WDPCP: variants seen among roughly 807,000 people sequenced by gnomAD.
WDPCP encodes WD repeat-containing and planar cell polarity effector protein fritz homolog.
In WDPCP, 71 loss-of-function variants were observed where a neutral mutation model predicts 93.1. That is an observed-to-expected ratio of 0.76 (90% CI 0.63 to 0.93). WDPCP has a LOEUF of 0.93. Among genes scored for constraint, WDPCP ranks in the 40% least tolerant of loss-of-function variants. WDPCP has a pLI of 0.00. For synonymous variants in WDPCP, 315 were observed against 315.0 expected (o/e 1.00, Z 0.00); for missense variants, 844 against 887.4 (o/e 0.95, Z 0.62).
intron 10 of WDPCP, among the ~76,000 whole-genome samples, chr2:63,400,125 C>A (rs962167522): frequency 6.6e-6 from 1 of 152,242 alleles, no homozygotes; most frequent in South Asian, 2.1e-4. Context: ...TTATTTTTTA[C>A]ACCTAAGTGA....
intron 13 of WDPCP, among the ~76,000 whole-genome samples, chr2:63,260,097 G>A (rs1292622246): frequency 4.6e-5 from 7 of 152,134 alleles, no homozygotes; most frequent in Non-Finnish European, 1.0e-4. Flanking sequence ...ATAAGAGGGG[G>A]AAAATGGAGA....
At chr2:63,759,113 C>G (rs1670015936) in intron 2 of WDPCP, among the ~76,000 whole-genome samples, 1 of 151,990 alleles carries the variant, frequency 6.6e-6, no homozygotes, top group African/African-American at 2.4e-5. Context: ...TAAAGTGGAC[C>G]CAGGAGTGAA....
chr2:63,273,674 CTATATT>C (rs999551617), intron 13 of WDPCP, among the ~76,000 whole-genome samples: 3 of 151,882 alleles, frequency 2.0e-5, no homozygotes, highest in Non-Finnish European at 2.9e-5. Context: ...ATAGGAGTAA[CTATATT>C]TATATCAGGT....
At chr2:63,426,959 G>A (rs1286868079) in intron 9 of WDPCP, among the ~76,000 whole-genome samples, 2 of 152,070 alleles carry the variant, frequency 1.3e-5, no homozygotes, top group African/African-American at 4.8e-5. Context: ...AGATAAAACA[G>A]ACTTTAACAA....
intron 14 of WDPCP, among the ~76,000 whole-genome samples, chr2:63,193,776 G>A (rs1675216135): frequency 6.6e-6 from 1 of 151,902 alleles, no homozygotes; most frequent in African/African-American, 2.4e-5. Context: ...TGCATTGTTG[G>A]GTAAAATTAA....
chr2:63,347,004 C>T (rs1005086437), intron 12 of WDPCP, among the ~76,000 whole-genome samples: 3 of 152,058 alleles, frequency 2.0e-5, no homozygotes, highest in African/African-American at 7.2e-5. Flanking sequence ...AGTCTGTTTC[C>T]AAATAATTAT....
At chr2:63,183,653 C>A (rs927297022) in intron 14 of WDPCP, among the ~76,000 whole-genome samples, 1 of 151,976 alleles carries the variant, frequency 6.6e-6, no homozygotes, top group Non-Finnish European at 1.5e-5. Flanking sequence ...CATTTGGTCT[C>A]AAGATCAATT....
chr2:63,512,195 T>G (rs981960915), intron 1 of WDPCP, among the ~76,000 whole-genome samples: 4 of 152,176 alleles, frequency 2.6e-5, no homozygotes, highest in African/African-American at 9.6e-5. Flanking sequence ...AATGAGATAC[T>G]ATCTTACGCC....
intron 14 of WDPCP, among the ~76,000 whole-genome samples, chr2:63,204,146 G>T (rs780812442): frequency 2.6e-5 from 4 of 152,108 alleles, no homozygotes; most frequent in Admixed American, 2.6e-4. Flanking sequence ...CACAGTGGTT[G>T]TACTAAATTA....
rs1488024999 is a variant in WDPCP at position 63,622,917 on chromosome 2, C to A, written n.488+27742G>T. On this transcript the variant is annotated intron_variant and non_coding_transcript_variant, in intron 3 of 4. Transcript: ENST00000467687. ...ACGCGGGGGCCGGGCCAGGCCGGGG[C>A]TCGGCGCACACCTGCTGCCAGGCTC... The A allele has an allele frequency of 5.3e-6, 6 of 1,135,324 alleles. No homozygotes were observed. In the African/African-American group the frequency reaches 6.1e-5, roughly 12 times the overall value. The allele number at this position is 1,135,324 out of a possible 1,614,324, so 70.3% of individuals were successfully genotyped here. A position where few individuals can be genotyped will look rare whatever the true frequency, so the allele number is the denominator to read the frequency against.
chr2:63,465,913 C>T (rs945545115), intron 6 of WDPCP, among the ~76,000 whole-genome samples: 18 of 152,252 alleles, frequency 1.2e-4, no homozygotes, highest in Admixed American at 8.5e-4. Context: ...TTTGTATCTT[C>T]GACAGTAGTC....
At chr2:63,810,358 A>G (rs1575779571) in intron 2 of WDPCP, among the ~76,000 whole-genome samples, 1 of 152,246 alleles carries the variant, frequency 6.6e-6, no homozygotes, top group African/African-American at 2.4e-5. Context: ...TTCTAAAAAG[A>G]TACAGGCATA....
chr2:63,754,968 A>T (rs1257339923), intron 2 of WDPCP, among the ~76,000 whole-genome samples: 1 of 152,178 alleles, frequency 6.6e-6, no homozygotes, highest in African/African-American at 2.4e-5. Context: ...AGAAGGCTTG[A>T]CTAGGGCTGA....
chr2:63,390,576 A>G (rs777587610), intron 10 of WDPCP, among the ~76,000 whole-genome samples: 9 of 152,214 alleles, frequency 5.9e-5, no homozygotes, highest in Non-Finnish European at 1.3e-4. Context: ...AGATAGAGAC[A>G]CAAAAAAACC....
rs185775553 is a variant in WDPCP at position 63,236,485 on chromosome 2, T to C, written c.1915+22822A>G. The stretch of plus-strand genomic sequence containing the variant: ...AGAATTAGAAAAAACTATTCCAAAA[T>C]TCACATGGAATTTAAAAAGAGGCTG... On this transcript the variant is annotated intron_variant, in intron 14 of 17. Transcript: ENST00000272321. Among the ~76,000 whole-genome samples, 12 of 152,190 alleles carry C rather than the reference T, an allele frequency of 7.9e-5. No homozygotes were observed. In the East Asian group the frequency reaches 1.7e-3, roughly 22 times the overall value.
intron 1 of WDPCP, among the ~76,000 whole-genome samples, chr2:63,821,848 A>G (rs7606341): frequency 0.047 from 7,204 of 152,240 alleles, 312 homozygotes; most frequent in African/African-American, 0.1. Context: ...AGAAAAAAAT[A>G]CACACACAAA....
intron 3 of WDPCP, among the ~76,000 whole-genome samples, chr2:63,603,980 T>G (rs1184420513): frequency 7.9e-5 from 12 of 152,230 alleles, no homozygotes; most frequent in Admixed American, 7.8e-4. Flanking sequence ...TCTAACCTTT[T>G]TTGTGGCTAC....
At chr2:63,427,187 A>C (rs978052373) in intron 9 of WDPCP, among the ~76,000 whole-genome samples, 3 of 152,144 alleles carry the variant, frequency 2.0e-5, no homozygotes, top group Non-Finnish European at 2.9e-5. Flanking sequence ...TCAAGGCAGA[A>C]AATTAAAAAT....
At chr2:63,167,141 A>C (rs1185351449) in intron 15 of WDPCP, among the ~76,000 whole-genome samples, 2 of 152,184 alleles carry the variant, frequency 1.3e-5, no homozygotes, top group African/African-American at 4.8e-5. Flanking sequence ...ACATCGGTTC[A>C]TTTATGTATT....
Sources: gnomAD v4.1 joint callset for allele counts (sites outside exome capture counted in the v4.1 genomes callset) on GRCh38, gnomAD v4.1.1 for gene constraint, MANE v1.5 for transcripts, NCBI Gene and HGNC (gene_info 2026-07-23, HGNC 2026-07-21) for gene names.